DET1: variants seen among roughly 807,000 people sequenced by gnomAD.
The protein encoded by DET1 is DET1 partner of COP1 E3 ubiquitin ligase.
DET1 carries 22 observed loss-of-function variants against 43.7 expected under a neutral mutation model. The ratio of observed to expected loss-of-function variants is 0.50; its 90% CI spans 0.36 to 0.72. The LOEUF is 0.72. DET1 is among the 30% of genes least tolerant of loss of function. The probability of loss-of-function intolerance (pLI) is 0.00; values close to 1 mark genes in which losing one functional copy is unlikely to be tolerated. For missense variants in DET1, 713 were observed against 713.3 expected (o/e 1.00, Z 0.00); for synonymous variants, 315 against 266.2 (o/e 1.18, Z -1.79).
chr15:88,502,246 G>A (rs1378863595), intron 8 of DET1: 2 of 152,204 alleles, frequency 1.3e-5, no homozygotes, highest in African/African-American at 2.4e-5. Flanking sequence ...AGGGCAAAGA[G>A]ACTGAATCTA....
Position 88,532,708 on chromosome 15 carries a change from C to T in DET1, c.-10-993G>A, listed in dbSNP as rs146392217. On this transcript the variant is annotated intron_variant, in intron 1 of 4. Transcript: ENST00000268148. ...AATAGAAAAAGGACAGTCACTTCAA[C>T]AAATGGTGTTGGGAAAACTGAATAG... Among the ~76,000 whole-genome samples the T allele has an allele frequency of 3.7e-3, 566 of 152,272 alleles. 3 individuals carry two copies. The highest frequency in any genetic ancestry group is 0.013 in the African/African-American group (552 of 41,552).
Position 88,531,596 on chromosome 15 carries a change from T to G in DET1, c.110A>C (p.His37Pro). Residue 37 changes from histidine (H) to proline (P), a missense_variant, in exon 2 of 5, where the codon CAC (histidine) becomes CCC (proline). Physicochemically the swap from His to Pro is moderately conservative, Grantham distance 77. Coordinates refer to ENST00000268148, the MANE Select transcript of DET1 (RefSeq NM_001144074.3). This position sits in a 1 kb window ranked among gnomAD's most constrained non-coding sequence, Gnocchi z 6.2. ...ISSGKAGTHW[H>P]QVRVFHQNVF... ...ATTCTGATGGAACACTCGGACTTGG[T>G]GCCAGTGGGTACCTGCCTTGCCTGA... 6.2e-7 allele frequency: 1 copy of G among 1,614,036 alleles called. No individual in the cohort carries two copies. The highest frequency in any genetic ancestry group is 8.5e-7 in the Non-Finnish European group (1 of 1,179,888).
At chr15:88,540,341 A>G (rs1199834161) in intron 1 of DET1, among the ~76,000 whole-genome samples, 1 of 150,882 alleles carries the variant, frequency 6.6e-6, no homozygotes, top group Non-Finnish European at 1.5e-5. Context: ...AGCTGTTGTG[A>G]TTTTTCTGTT....
chr15:88,541,813 G>A (rs953747755), intron 1 of DET1, among the ~76,000 whole-genome samples: 4 of 152,028 alleles, frequency 2.6e-5, no homozygotes, highest in Admixed American at 6.6e-5. Flanking sequence ...TTTTCACCTC[G>A]ACCCTCAGCC....
chr15:88,542,685 G>T lies in DET1; in HGVS notation c.-11+3855C>A, dbSNP rs11073788. 1.4e-3 allele frequency among the ~76,000 whole-genome samples: 215 copies of T among 152,150 alleles called. 2 individuals carry two copies. Among genetic ancestry groups the T allele is most frequent in the African/African-American group, 5.0e-3 (206 of 41,526 alleles). On this transcript the variant is annotated intron_variant, in intron 1 of 4. Transcript: ENST00000268148. ...AGCAACACAGGCAGCTGAAAAGGCCGCTGATAAAGCCTATAAAAGACAAGC... is the reference window on the plus strand; with the variant it reads ...AGCAACACAGGCAGCTGAAAAGGCCTCTGATAAAGCCTATAAAAGACAAGC...
intron 1 of DET1, among the ~76,000 whole-genome samples, chr15:88,539,734 T>C (rs1008777294): frequency 6.6e-6 from 1 of 152,112 alleles, no homozygotes; most frequent in Non-Finnish European, 1.5e-5. Flanking sequence ...AAGTAAGGTG[T>C]TGTTACAGGA....
At chr15:88,524,279 G>GC (rs2056595654) in intron 3 of DET1, among the ~76,000 whole-genome samples, 1 of 151,008 alleles carries the variant, frequency 6.6e-6, no homozygotes, top group Admixed American at 6.6e-5. Context: ...CCTCCGCCTG[G>GC]CAGCCGCCCC....
At chr15:88,519,889 A>G (rs2056443359) in intron 3 of DET1, among the ~76,000 whole-genome samples, 1 of 151,624 alleles carries the variant, frequency 6.6e-6, no homozygotes, top group African/African-American at 2.4e-5. Context: ...GTCCTTCCAG[A>G]CTCCCATGCT....
intron 3 of DET1, among the ~76,000 whole-genome samples, chr15:88,518,666 A>G (rs1251850883): frequency 2.6e-5 from 4 of 152,228 alleles, no homozygotes; most frequent in African/African-American, 9.6e-5. Flanking sequence ...ATATTCAAGC[A>G]TATCATATGG....
chr15:88,543,182 T>G (rs1214729090), intron 1 of DET1, among the ~76,000 whole-genome samples: 1 of 152,124 alleles, frequency 6.6e-6, no homozygotes, highest in Admixed American at 6.6e-5. Context: ...GCTAAGGGGG[T>G]GCTTACTCAG....
intron 8 of DET1, chr15:88,503,291 T>C (rs890258179): frequency 6.6e-6 from 1 of 151,652 alleles, no homozygotes; most frequent in African/African-American, 2.4e-5. Context: ...ATAAAATAAA[T>C]TTAAAGAAAA....
intron 1 of DET1, among the ~76,000 whole-genome samples, chr15:88,536,873 C>T (rs959730436): frequency 2.7e-5 from 4 of 150,690 alleles, no homozygotes; most frequent in African/African-American, 9.8e-5. Context: ...GGAAACAGAG[C>T]AATTTCAAGT....
At chr15:88,518,859 T>C (rs1397055537) in intron 3 of DET1, among the ~76,000 whole-genome samples, 1 of 152,210 alleles carries the variant, frequency 6.6e-6, no homozygotes, top group Non-Finnish European at 1.5e-5. Flanking sequence ...ACATGAACAC[T>C]TTTCTGCTCC....
At chr15:88,520,972 TG>T (rs2056473790) in intron 3 of DET1, among the ~76,000 whole-genome samples, 1 of 152,200 alleles carries the variant, frequency 6.6e-6, no homozygotes, top group Non-Finnish European at 1.5e-5. Flanking sequence ...ACAGCCAGAG[TG>T]ACTCTGTTAA....
At chr15:88,528,151 C>T (rs903090865) in intron 2 of DET1, among the ~76,000 whole-genome samples, 1 of 152,196 alleles carries the variant, frequency 6.6e-6, no homozygotes, top group Non-Finnish European at 1.5e-5. Context: ...GTGTTTATTC[C>T]CTACTCGCTC....
At chr15:88,527,454 T>C (rs916132501) in intron 3 of DET1, 145 bp downstream of exon 3, 4 of 675,006 alleles carry the variant, frequency 5.9e-6, no homozygotes, top group African/African-American at 5.6e-5. Context: ...AGAAAGAAGT[T>C]CAGGAAGAAA....
At chr15:88,513,198 G>T (rs757705007) in intron 4 of DET1, 58 bp from the exon 5 acceptor site, 2 of 1,496,028 alleles carry the variant, frequency 1.3e-6, no homozygotes, top group African/African-American at 1.4e-5. Context: ...ATTCACCATC[G>T]AACTGAAATC....
intron 1 of DET1, among the ~76,000 whole-genome samples, chr15:88,539,436 C>A (rs1441758725): frequency 2.0e-5 from 3 of 148,154 alleles, no homozygotes; most frequent in African/African-American, 5.0e-5. Flanking sequence ...GGAGGGCCCC[C>A]CCTTGTCTGT....
At chr15:88,523,785 G>C (rs998113100) in intron 3 of DET1, among the ~76,000 whole-genome samples, 1 of 152,140 alleles carries the variant, frequency 6.6e-6, no homozygotes, top group Non-Finnish European at 1.5e-5. Flanking sequence ...ATCTCCGCTC[G>C]CTACAACCTC....
Sources: gnomAD v4.1 joint callset for allele counts (sites outside exome capture counted in the v4.1 genomes callset) on GRCh38, gnomAD v4.1.1 for gene constraint, Gnocchi (gnomAD v3.1) non-coding constraint, MANE v1.5 for transcripts, NCBI Gene and HGNC (gene_info 2026-07-23, HGNC 2026-07-21) for gene names.